Variants in DCAF12 observed in about 807,000 individuals in gnomAD.
DCAF12 encodes DDB1- and CUL4-associated factor 12.
A neutral mutation model predicts 52.8 loss-of-function variants in DCAF12; 28 were observed. The ratio of observed to expected loss-of-function variants is 0.53; its 90% CI spans 0.39 to 0.73. The LOEUF is 0.73. Among genes scored for constraint, DCAF12 ranks in the 30% least tolerant of loss-of-function variants. The pLI is 0.00. For missense variants in DCAF12, 425 were observed against 552.2 expected, an observed-to-expected ratio of 0.77 and a Z score of 2.31; for synonymous variants, 196 against 215.5, an observed-to-expected ratio of 0.91 and a Z score of 0.79.
chr9:34,088,958 A>T (rs1157919454), intron 8 of DCAF12, among the ~76,000 whole-genome samples: 1 of 151,862 alleles, frequency 6.6e-6, no homozygotes, highest in Admixed American at 6.6e-5. Context: ...AAAAAAAAAT[A>T]AATTAGCCGG....
intron 2 of DCAF12, among the ~76,000 whole-genome samples, chr9:34,110,495 G>C (rs1426707698): frequency 6.6e-6 from 1 of 152,106 alleles, no homozygotes; most frequent in Non-Finnish European, 1.5e-5. Context: ...ATTATAAGCA[G>C]AGTCAACTTC....
At position 34,098,305 on chromosome 9, in the gene DCAF12, T is replaced by A. The variant is rs761944305; in HGVS notation, c.795+19A>T. On this transcript the variant is annotated intron_variant, in intron 5 of 8. Transcript: ENST00000361264. ...AAGCAAGAGGAATACACGTCAGGGA[T>A]CCCTACACAAGTTCATACCTTGTTC... is the stretch of plus-strand genomic sequence containing the variant. The A allele has an allele frequency of 1.9e-6, 3 of 1,609,354 alleles. No homozygotes were observed. The South Asian group carries it at 3.3e-5, about 18-fold the overall frequency.
intron 4 of DCAF12, among the ~76,000 whole-genome samples, chr9:34,101,029 T>C (rs946419651): frequency 3.3e-5 from 5 of 150,348 alleles, no homozygotes; most frequent in African/African-American, 1.2e-4. Flanking sequence ...CCATGGGCTT[T>C]CCATGAACCC....
intron 2 of DCAF12, among the ~76,000 whole-genome samples, chr9:34,110,246 C>A (rs1033523328): frequency 2.0e-5 from 3 of 152,054 alleles, no homozygotes; most frequent in Non-Finnish European, 4.4e-5. Context: ...AAACAAATAA[C>A]CTTGCTCCTC....
chr9:34,119,444 G>A (rs575300786), intron 2 of DCAF12, among the ~76,000 whole-genome samples: 2 of 152,202 alleles, frequency 1.3e-5, no homozygotes, highest in South Asian at 2.1e-4. Flanking sequence ...ACAGGATTTT[G>A]TATCTCATTT....
intron 7 of DCAF12, among the ~76,000 whole-genome samples, chr9:34,091,813 C>T (rs540865261): frequency 1.6e-4 from 24 of 152,026 alleles, no homozygotes; most frequent in African/African-American, 5.1e-4. Flanking sequence ...TGGGATAAAG[C>T]GAGAAATGGG....
chr9:34,108,780 T>A (rs1828945786), intron 2 of DCAF12, among the ~76,000 whole-genome samples: 1 of 142,926 alleles, frequency 7.0e-6, no homozygotes, highest in Non-Finnish European at 1.5e-5. Flanking sequence ...TGTGAGACTG[T>A]GAGACTTGGT....
chr9:34,091,543 G>A (rs535692946), intron 7 of DCAF12, among the ~76,000 whole-genome samples: 2 of 150,942 alleles, frequency 1.3e-5, no homozygotes, highest in Admixed American at 1.3e-4. Flanking sequence ...GGCTGAGGTG[G>A]GAGGACTGCT....
intron 5 of DCAF12, among the ~76,000 whole-genome samples, chr9:34,097,085 T>A (rs1828747108): frequency 6.6e-6 from 1 of 151,958 alleles, no homozygotes; most frequent in South Asian, 2.1e-4. Context: ...AGTTTCATAA[T>A]CTAGTGTGAG....
chr9:34,105,171 C>T (rs1037476720), intron 4 of DCAF12, among the ~76,000 whole-genome samples: 3 of 151,492 alleles, frequency 2.0e-5, no homozygotes, highest in African/African-American at 7.3e-5. Context: ...GGGAATCGCT[C>T]GAACCTGGGA....
chr9:34,089,607 T>C lies in DCAF12; in HGVS notation c.1025-17A>G, dbSNP rs1828613514. 1 of 1,590,740 alleles carries C rather than the reference T, an allele frequency of 6.3e-7. No homozygotes were observed. Among genetic ancestry groups the C allele is most frequent in the Non-Finnish European group, 8.6e-7 (1 of 1,165,918 alleles). On this transcript the variant is annotated splice_polypyrimidine_tract_variant and intron_variant, in intron 7 of 8. Coordinates refer to ENST00000361264, the MANE Select transcript of DCAF12 (RefSeq NM_015397.4). Reference sequence around the variant, plus strand: ...ACCGGATTCCTGAAAGACAGAAAAGTAAAAGGCAGTGAGGCGGGAGAGAAT... The same window carrying C: ...ACCGGATTCCTGAAAGACAGAAAAGCAAAAGGCAGTGAGGCGGGAGAGAAT...
chr9:34,105,822 C>A (rs10971916), intron 4 of DCAF12, among the ~76,000 whole-genome samples: 50,270 of 147,372 alleles, frequency 0.34, 8,660 homozygotes, highest in South Asian at 0.4. Context: ...GATCTCAGCT[C>A]ACTGCAACCT....
rs1335650365 is a variant in DCAF12, at chr9:34,109,457, G to T, written c.334-1892C>A. On this transcript the variant is annotated intron_variant, in intron 2 of 8. Transcript: ENST00000361264. Reference sequence around the variant, plus strand: ...AGACAGCTGTTTTCACCTTGTGGGGGATTCAATGAACAAAGTAGCTGCTGT... The same window carrying T: ...AGACAGCTGTTTTCACCTTGTGGGGTATTCAATGAACAAAGTAGCTGCTGT... The T allele has an allele frequency of 1.6e-5, 3 of 184,458 alleles. No homozygotes were observed. The East Asian group carries it at 3.9e-4, about 24-fold the overall frequency. 11.4% of individuals were successfully genotyped at this position (184,458 alleles called of 1,614,324 possible). A position where few individuals can be genotyped will look rare whatever the true frequency, so the allele number is the denominator to read the frequency against.
intron 2 of DCAF12, among the ~76,000 whole-genome samples, 157 bp downstream of exon 2, chr9:34,124,866 G>T (rs930226078): frequency 6.6e-6 from 1 of 152,142 alleles, no homozygotes; most frequent in Non-Finnish European, 1.5e-5. Flanking sequence ...AAAGGAACAC[G>T]AAAAGAGGAA....
At chr9:34,124,990 T>C in intron 2 of DCAF12, 33 bp downstream of exon 2, 1 of 1,610,710 alleles carries the variant, frequency 6.2e-7, no homozygotes, top group South Asian at 1.1e-5. Context: ...ATCCACGACC[T>C]AGGAGAGAGG....
chr9:34,106,348 G>T, intron 4 of DCAF12, 86 bp downstream of exon 4: 2 of 1,219,196 alleles, frequency 1.6e-6, no homozygotes, highest in Non-Finnish European at 2.3e-6. Context: ...CGGCTGGGCT[G>T]TTTCCTATCA....
At chr9:34,101,164 T>C (rs1027583067) in intron 4 of DCAF12, among the ~76,000 whole-genome samples, 2 of 150,712 alleles carry the variant, frequency 1.3e-5, no homozygotes, top group African/African-American at 2.4e-5. Flanking sequence ...CTCAACCTCC[T>C]GGGCTTCAGC....
rs1828569241 is a variant in DCAF12, at chr9:34,087,170, G to C, written c.*1180C>G. ...ACCATCTCAGGGCTAAGCCAACAGA[G>C]TAGGAGGGGTGGCTTCAACCCCAAG... On this transcript the variant is annotated 3_prime_UTR_variant, in exon 9 of 9. Coordinates refer to ENST00000361264, the MANE Select transcript of DCAF12 (RefSeq NM_015397.4). 6.6e-6 allele frequency: 1 copy of C among 152,278 alleles called. No individual in the cohort carries two copies. Among genetic ancestry groups the C allele is most frequent in the Admixed American group, 6.5e-5 (1 of 15,276 alleles). The allele number at this position is 152,278 out of a possible 1,614,324, so 9.4% of individuals were successfully genotyped here.
rs565719339 is a variant in DCAF12 at position 34,102,857 on chromosome 9, C to T, written c.601+3577G>A. Among the ~76,000 whole-genome samples the T allele has an allele frequency of 2.0e-3, 302 of 151,740 alleles. 2 individuals are homozygous for T. Among genetic ancestry groups the T allele is most frequent in the African/African-American group, 6.8e-3 (281 of 41,370 alleles). ...TTGGGAGGCTTAGGCAGGCAGGTCG[C>T]TTGAGGCCAGGACGTTGAGACCAGC... On this transcript the variant is annotated intron_variant, in intron 4 of 8. Coordinates refer to ENST00000361264, the MANE Select transcript of DCAF12 (RefSeq NM_015397.4).
Sources: allele counts gnomAD v4.1 joint callset (sites outside exome capture counted in the v4.1 genomes callset), GRCh38; gene constraint gnomAD v4.1.1; transcripts MANE v1.5; gene names NCBI Gene and HGNC (gene_info 2026-07-23, HGNC 2026-07-21).